AFF3: variants seen among roughly 807,000 people sequenced by gnomAD.
AFF3 encodes AF4/FMR2 family member 3.
AFF3 carries 32 observed loss-of-function variants against 129.7 expected under a neutral mutation model. That is an observed-to-expected ratio of 0.25 (90% CI 0.19 to 0.33). The LOEUF is 0.33. AFF3 is among the 10% of genes least tolerant of loss of function. AFF3 has a pLI of 1.00. For synonymous variants in AFF3, 644 were observed against 635.4 expected (o/e 1.01, Z -0.20); for missense variants, 1,373 against 1,592.0 (o/e 0.86, Z 2.34).
chr2:99,935,421 AGGGAGAG>A (rs1674434947), intron 7 of AFF3, among the ~76,000 whole-genome samples: 1 of 152,206 alleles, frequency 6.6e-6, no homozygotes, highest in South Asian at 2.1e-4. Context: ...AACTCTTTTA[AGGGAGAG>A]GGGAGCAGGT....
chr2:99,554,283 C>T (rs1329494011), intron 24 of AFF3, 28 bp downstream of exon 24: 1 of 1,612,738 alleles, frequency 6.2e-7, no homozygotes, highest in Admixed American at 1.7e-5. Flanking sequence ...GGCGGAAGCC[C>T]CTGGTTCCCC....
intron 7 of AFF3, among the ~76,000 whole-genome samples, chr2:99,853,628 CTGT>C (rs75669691): frequency 0.16 from 23,712 of 152,084 alleles, 2,006 homozygotes; most frequent in Admixed American, 0.24. Context: ...AAAGTTGATG[CTGT>C]TATTATCTAC....
At chr2:99,591,471 GCCAC>G (rs1678671904) in intron 15 of AFF3, among the ~76,000 whole-genome samples, 1 of 152,166 alleles carries the variant, frequency 6.6e-6, no homozygotes, top group Admixed American at 6.5e-5. Flanking sequence ...AGAGGCTTGA[GCCAC>G]CGTACCCGGT....
At chr2:99,685,563 T>C (rs149193526) in intron 11 of AFF3, among the ~76,000 whole-genome samples, 4 of 152,360 alleles carry the variant, frequency 2.6e-5, no homozygotes, top group Admixed American at 6.5e-5. Flanking sequence ...ATATCAGGTA[T>C]ATTTCGAGTT....
chr2:99,947,419 G>C (rs1478301885), intron 7 of AFF3, among the ~76,000 whole-genome samples: 1 of 151,744 alleles, frequency 6.6e-6, no homozygotes, highest in African/African-American at 2.4e-5. Flanking sequence ...CTCCAGCCTG[G>C]GAGACAGAGT....
chr2:100,103,296 T>C (rs2105484640), intron 4 of AFF3, among the ~76,000 whole-genome samples: 1 of 151,818 alleles, frequency 6.6e-6, no homozygotes, highest in Non-Finnish European at 1.5e-5. Flanking sequence ...TTTAGACACA[T>C]GTGAACTCTT....
intron 7 of AFF3, among the ~76,000 whole-genome samples, chr2:99,855,243 G>A (rs1690440289): frequency 6.6e-6 from 1 of 152,158 alleles, no homozygotes; most frequent in Non-Finnish European, 1.5e-5. Flanking sequence ...ATTGGTTGTG[G>A]TGATGGTTGC....
At chr2:99,593,047 A>C (rs769160750) in intron 15 of AFF3, 148 bp downstream of exon 15, 8 of 803,788 alleles carry the variant, frequency 1.0e-5, no homozygotes, top group African/African-American at 8.6e-5. Context: ...GTACCCTAGA[A>C]GTGTGTGTTA....
At chr2:99,680,373 T>C (rs1674414507) in intron 11 of AFF3, among the ~76,000 whole-genome samples, 1 of 152,100 alleles carries the variant, frequency 6.6e-6, no homozygotes. Context: ...AAGAATTGAG[T>C]TTCTAAGGCT....
chr2:100,024,083 T>A, intron 4 of AFF3, among the ~76,000 whole-genome samples: 1 of 150,542 alleles, frequency 6.6e-6, no homozygotes, highest in Non-Finnish European at 1.5e-5. Context: ...ACACCAAAAA[T>A]TAGCCGGGCG....
chr2:99,633,722 G>T (rs1683345395), intron 13 of AFF3, among the ~76,000 whole-genome samples: 1 of 151,896 alleles, frequency 6.6e-6, no homozygotes, highest in South Asian at 2.1e-4. Flanking sequence ...ATGAGGGTGG[G>T]TTCTTACAAA....
intron 12 of AFF3, 140 bp from the exon 13 acceptor site, chr2:99,649,806 TAG>T: frequency 1.2e-6 from 1 of 818,778 alleles, no homozygotes; most frequent in Non-Finnish European, 2.0e-6. Context: ...AGCAATGAAG[TAG>T]AGAGCACTGT....
intron 8 of AFF3, among the ~76,000 whole-genome samples, chr2:99,831,710 G>T (rs1688529431): frequency 6.6e-6 from 1 of 152,084 alleles, no homozygotes; most frequent in Admixed American, 6.6e-5. Flanking sequence ...ATATAAAGAA[G>T]AAAAAACTAT....
chr2:100,060,874 T>C (rs1363768705), intron 4 of AFF3, among the ~76,000 whole-genome samples: 1 of 152,204 alleles, frequency 6.6e-6, no homozygotes, highest in Non-Finnish European at 1.5e-5. Context: ...CCCATCCCAC[T>C]ACGTTTAGAG....
At chr2:99,684,627 T>C (rs1674862901) in intron 11 of AFF3, among the ~76,000 whole-genome samples, 1 of 152,130 alleles carries the variant, frequency 6.6e-6, no homozygotes, top group East Asian at 1.9e-4. Flanking sequence ...TTTTTTTTTT[T>C]TTGAGACAGG....
chr2:100,126,447 A>G (rs1222306919), intron 2 of AFF3, among the ~76,000 whole-genome samples: 2 of 152,186 alleles, frequency 1.3e-5, no homozygotes, highest in African/African-American at 4.8e-5. Flanking sequence ...CCAGATTCTC[A>G]CAGAGCACAA....
At chr2:99,809,717 A>G (rs1002592815) in intron 8 of AFF3, among the ~76,000 whole-genome samples, 1 of 152,220 alleles carries the variant, frequency 6.6e-6, no homozygotes, top group Non-Finnish European at 1.5e-5. Context: ...ATAAAAAACA[A>G]GAAACCACTT....
chr2:100,132,821 G>T (rs1179494507), intron 1 of AFF3, among the ~76,000 whole-genome samples: 3 of 151,664 alleles, frequency 2.0e-5, no homozygotes, highest in African/African-American at 7.3e-5. Flanking sequence ...TCTTGTTTTG[G>T]ATTAAGTAAA....
intron 13 of AFF3, among the ~76,000 whole-genome samples, chr2:99,614,957 C>T (rs1175508996): frequency 1.3e-5 from 2 of 152,202 alleles, no homozygotes; most frequent in African/African-American, 2.4e-5. Flanking sequence ...CAATAATGTA[C>T]AGACATTCAT....
Sources: allele counts gnomAD v4.1 joint callset (sites outside exome capture counted in the v4.1 genomes callset), GRCh38; gene constraint gnomAD v4.1.1; transcripts MANE v1.5; gene names NCBI Gene and HGNC (gene_info 2026-07-23, HGNC 2026-07-21).